Variants in TAS2R1 observed in about 807,000 individuals in gnomAD.
The protein encoded by TAS2R1 is taste receptor type 2 member 1.
For missense variants in TAS2R1, 370 were observed against 353.4 expected (o/e 1.05, Z -0.38); for synonymous variants, 141 against 134.2 (o/e 1.05, Z -0.35).
chr5:9,694,163 C>T (rs963513782), intron 1 of TAS2R1, among the ~76,000 whole-genome samples: 14 of 151,970 alleles, frequency 9.2e-5, no homozygotes, highest in Non-Finnish European at 1.3e-4. Context: ...AAACCAATTA[C>T]AAAATTGACA....
chr5:9,679,891 G>A (rs1174558009), intron 1 of TAS2R1, among the ~76,000 whole-genome samples: 1 of 152,228 alleles, frequency 6.6e-6, no homozygotes, highest in Admixed American at 6.5e-5. Flanking sequence ...CAGTAGCAAT[G>A]AGGACATGTA....
chr5:9,667,425 C>A (rs1191478525), intron 1 of TAS2R1, among the ~76,000 whole-genome samples: 1 of 152,216 alleles, frequency 6.6e-6, no homozygotes, highest in African/African-American at 2.4e-5. Flanking sequence ...ATCCACCTTA[C>A]TTCTTGTAGC....
intron 2 of TAS2R1, among the ~76,000 whole-genome samples, chr5:9,646,307 C>T (rs1298290498): frequency 2.0e-5 from 3 of 152,142 alleles, no homozygotes; most frequent in Non-Finnish European, 2.9e-5. Context: ...GTTCTCAAAG[C>T]ATAAGGTTAC....
At chr5:9,692,112 C>T (rs1342785328) in intron 1 of TAS2R1, among the ~76,000 whole-genome samples, 2 of 152,174 alleles carry the variant, frequency 1.3e-5, no homozygotes, top group African/African-American at 2.4e-5. Flanking sequence ...CTCATGCTCA[C>T]TCCAGCTCCA....
the TAS2R1 span, among the ~76,000 whole-genome samples, chr5:9,879,640 C>G: frequency 1.3e-5 from 2 of 152,144 alleles, no homozygotes; most frequent in Non-Finnish European, 2.9e-5. Flanking sequence ...TATAATAACC[C>G]CCATACTTTA....
the TAS2R1 span, among the ~76,000 whole-genome samples, chr5:9,872,991 T>C: frequency 2.0e-5 from 3 of 152,336 alleles, no homozygotes; most frequent in Admixed American, 2.0e-4. Context: ...TAGAAATGGT[T>C]CTGAGAACTT....
At chr5:9,776,643 A>C in the TAS2R1 span, among the ~76,000 whole-genome samples, 1 of 152,054 alleles carries the variant, frequency 6.6e-6, no homozygotes, top group Non-Finnish European at 1.5e-5. Flanking sequence ...TCACTTTCCC[A>C]TTCCTCCTAG....
At chr5:9,775,489 T>C in the TAS2R1 span, among the ~76,000 whole-genome samples, 10 of 152,012 alleles carry the variant, frequency 6.6e-5, no homozygotes, top group Non-Finnish European at 1.0e-4. Flanking sequence ...ACTCTCCTTT[T>C]TCAAGCAGGA....
chr5:9,808,832 T>C, the TAS2R1 span, among the ~76,000 whole-genome samples: 2 of 152,134 alleles, frequency 1.3e-5, no homozygotes, highest in Non-Finnish European at 2.9e-5. Flanking sequence ...ACTCTCTCAT[T>C]TCAATAGGTC....
chr5:9,772,647 T>C, the TAS2R1 span, among the ~76,000 whole-genome samples: 1 of 152,168 alleles, frequency 6.6e-6, no homozygotes, highest in Non-Finnish European at 1.5e-5. Flanking sequence ...TCTTTAGTTC[T>C]AATAATATTT....
chr5:9,734,761 C>G, the TAS2R1 span, among the ~76,000 whole-genome samples: 1 of 151,992 alleles, frequency 6.6e-6, no homozygotes, highest in Non-Finnish European at 1.5e-5. Flanking sequence ...GGCCACCTTA[C>G]TCCACAGGCC....
chr5:9,818,231 A>G, the TAS2R1 span, among the ~76,000 whole-genome samples: 1 of 152,122 alleles, frequency 6.6e-6, no homozygotes, highest in Non-Finnish European at 1.5e-5. Context: ...AAGTGGGCTC[A>G]TTTGGCCATA....
At chr5:9,657,250 A>G (rs915178048) in intron 2 of TAS2R1, among the ~76,000 whole-genome samples, 1 of 152,154 alleles carries the variant, frequency 6.6e-6, no homozygotes, top group African/African-American at 2.4e-5. Flanking sequence ...AATTAATTCA[A>G]TTAATCATGT....
chr5:9,627,392 C>A lies in TAS2R1; in HGVS notation c.*1741G>T, dbSNP rs1173961604. ...TTATGAATTCTTTTTTTAAACATTTCTTGATAACAGTATAAAAACCTAGTC... is the reference window on the plus strand; with the variant it reads ...TTATGAATTCTTTTTTTAAACATTTATTGATAACAGTATAAAAACCTAGTC... On this transcript the variant is annotated 3_prime_UTR_variant, in exon 1 of 1. Transcript: ENST00000382492. 6.7e-6 allele frequency among the ~76,000 whole-genome samples: 1 copy of A among 149,706 alleles called. No homozygotes were observed. The highest frequency in any genetic ancestry group is 1.9e-4 in the East Asian group (1 of 5,178).
chr5:9,725,460 G>A, the TAS2R1 span, among the ~76,000 whole-genome samples: 4 of 152,176 alleles, frequency 2.6e-5, no homozygotes, highest in African/African-American at 4.8e-5. Context: ...CTTAGCACCC[G>A]GGCCAGCAGC....
At chr5:9,744,337 T>C in the TAS2R1 span, among the ~76,000 whole-genome samples, 1 of 152,176 alleles carries the variant, frequency 6.6e-6, no homozygotes, top group African/African-American at 2.4e-5. Flanking sequence ...ACTCTGTCAA[T>C]ATGTAAGGAA....
chr5:9,857,025 C>T, the TAS2R1 span, among the ~76,000 whole-genome samples: 2 of 152,018 alleles, frequency 1.3e-5, no homozygotes, highest in African/African-American at 4.8e-5. Context: ...GTAAAATAAG[C>T]CCAGTACAGA....
chr5:9,871,395 A>G, the TAS2R1 span, among the ~76,000 whole-genome samples: 63,971 of 152,048 alleles, frequency 0.42, 15,392 homozygotes, highest in African/African-American at 0.66. Flanking sequence ...AGCCAATGCC[A>G]TAATTACTAT....
the TAS2R1 span, among the ~76,000 whole-genome samples, chr5:9,829,093 G>A: frequency 6.6e-6 from 1 of 152,184 alleles, no homozygotes; most frequent in South Asian, 2.1e-4. Context: ...GCTGTGTTGA[G>A]AACTTGAAAT....
Sources: allele counts gnomAD v4.1 joint callset (sites outside exome capture counted in the v4.1 genomes callset), GRCh38; gene constraint gnomAD v4.1.1; transcripts MANE v1.5; gene names NCBI Gene and HGNC (gene_info 2026-07-23, HGNC 2026-07-21).